P2RY14: variants seen among roughly 807,000 people sequenced by gnomAD.
P2RY14 encodes the protein purinergic receptor P2Y14, also known as P2Y purinoceptor 14.
P2RY14 carries 2 observed loss-of-function variants against 0.9 expected under a neutral mutation model. That is an observed-to-expected ratio of 2.16 (90% CI 0.88 to 6.79). The LOEUF (loss-of-function observed/expected upper bound fraction) is 6.79, where lower values mean the gene tolerates loss of function less well. P2RY14 is among the 30% of genes most tolerant of loss of function. The pLI, the probability that P2RY14 is intolerant of heterozygous loss-of-function variation, is 0.05. For synonymous variants in P2RY14, 158 were observed against 147.2 expected, an observed-to-expected ratio of 1.07 and a Z score of -0.53; for missense variants, 378 against 400.1, an observed-to-expected ratio of 0.94 and a Z score of 0.47.
intron 1 of P2RY14, among the ~76,000 whole-genome samples, chr3:151,259,736 A>T (rs769855102): frequency 4.6e-5 from 7 of 152,238 alleles, no homozygotes; most frequent in Non-Finnish European, 1.0e-4. Flanking sequence ...TTAATCTTTC[A>T]GAGAATTCTT....
Position 151,213,934 on chromosome 3 carries a change from C to G in P2RY14, c.383G>C (p.Trp128Ser), listed in dbSNP as rs772154887. The G allele has an allele frequency of 6.2e-7, 1 of 1,614,058 alleles. No homozygotes were observed. The highest frequency in any genetic ancestry group is 1.1e-5 in the South Asian group (1 of 91,070). Reference protein sequence around the residue: ...DRYYKIVKPLWTSFIQSVSYS... With the variant: ...DRYYKIVKPLSTSFIQSVSYS... ...ACTCACTGACTGGATGAAAGAAGTC[C>G]AAAGAGGCTTTACAATTTTATAATA... is the stretch of plus-strand genomic sequence containing the variant. Residue 128 changes from tryptophan (W) to serine (S), a missense_variant, in exon 3 of 3, where the codon TGG becomes TCG. Coordinates refer to ENST00000309170, the MANE Select transcript of P2RY14 (RefSeq NM_014879.4).
chr3:151,270,688 G>A (rs1252980866), intron 1 of P2RY14, among the ~76,000 whole-genome samples: 1 of 152,086 alleles, frequency 6.6e-6, no homozygotes, highest in African/African-American at 2.4e-5. Flanking sequence ...GAGATGTTTG[G>A]GTGGGTTAAG....
At chr3:151,230,832 G>A (rs967174341) in intron 1 of P2RY14, among the ~76,000 whole-genome samples, 1 of 152,098 alleles carries the variant, frequency 6.6e-6, no homozygotes, top group African/African-American at 2.4e-5. Context: ...CAGAAGTAGT[G>A]ACTTCCCACT....
intron 1 of P2RY14, among the ~76,000 whole-genome samples, chr3:151,227,455 C>T (rs2870518): frequency 0.75 from 114,269 of 152,168 alleles, 43,387 homozygotes; most frequent in African/African-American, 0.85. Context: ...AAACTGATAA[C>T]GTCCAAACAT....
At chr3:151,267,883 A>G (rs1190469802) in intron 1 of P2RY14, among the ~76,000 whole-genome samples, 2 of 152,218 alleles carry the variant, frequency 1.3e-5, no homozygotes, top group Non-Finnish European at 2.9e-5. Context: ...GTTTGAGAAT[A>G]GCTTTTTAAA....
At chr3:151,255,871 A>G (rs1737722337) in intron 1 of P2RY14, among the ~76,000 whole-genome samples, 1 of 152,126 alleles carries the variant, frequency 6.6e-6, no homozygotes, top group Non-Finnish European at 1.5e-5. Context: ...ATCTCTCTCA[A>G]TCTGTTTCCC....
chr3:151,218,060 T>C (rs191582953), intron 2 of P2RY14, among the ~76,000 whole-genome samples: 169 of 152,348 alleles, frequency 1.1e-3, no homozygotes, highest in African/African-American at 3.8e-3. Context: ...TCCTTATCTT[T>C]AGTACAGATT....
chr3:151,233,053 A>G (rs897117197), intron 1 of P2RY14, among the ~76,000 whole-genome samples: 20 of 152,180 alleles, frequency 1.3e-4, no homozygotes, highest in African/African-American at 4.6e-4. Flanking sequence ...AAAAACACCA[A>G]CATTGTCCCT....
rs1246872678 is a variant in P2RY14, at chr3:151,214,116, G to T, written c.201C>A (p.Asp67Glu). The T allele has an allele frequency of 6.2e-7, 1 of 1,614,028 alleles. No individual in the cohort carries two copies. The highest frequency in any genetic ancestry group is 1.7e-5 in the Admixed American group (1 of 60,018). ...AAGGAAAAGTCAGGCTCATCACAAAGTCAGCAATAACAATGTTCTTGAGAT... is the reference window on the plus strand; with the variant it reads ...AAGGAAAAGTCAGGCTCATCACAAATTCAGCAATAACAATGTTCTTGAGAT... ...IIYLKNIVIA[D>E]FVMSLTFPFK... The change falls in exon 3 of 3, where the codon GAC (aspartate) becomes GAA (glutamate). Residue 67 changes from aspartate (D) to glutamate (E), a missense_variant. By Grantham distance (45) the Asp-to-Glu change is conservative. Transcript: ENST00000309170.
intron 1 of P2RY14, among the ~76,000 whole-genome samples, chr3:151,252,414 C>T (rs2149456124): frequency 6.6e-6 from 1 of 152,234 alleles, no homozygotes; most frequent in African/African-American, 2.4e-5. Flanking sequence ...GGCATAAATA[C>T]TGATTTTTAA....
intron 1 of P2RY14, among the ~76,000 whole-genome samples, chr3:151,272,640 A>G (rs897381952): frequency 1.3e-5 from 2 of 152,234 alleles, no homozygotes; most frequent in African/African-American, 4.8e-5. Context: ...AATATTGAGT[A>G]CACAACCAAA....
At chr3:151,236,278 T>C (rs535453117) in intron 1 of P2RY14, among the ~76,000 whole-genome samples, 1 of 152,310 alleles carries the variant, frequency 6.6e-6, no homozygotes, top group African/African-American at 2.4e-5. Context: ...ACTTCTAGAG[T>C]TTTAAAATGT....
chr3:151,274,419 G>A (rs937950766), intron 1 of P2RY14, among the ~76,000 whole-genome samples: 3 of 152,128 alleles, frequency 2.0e-5, no homozygotes, highest in African/African-American at 7.2e-5. Flanking sequence ...TATAAAGGTA[G>A]TGCTTATAGG....
At chr3:151,241,239 T>A (rs1734016664) in intron 1 of P2RY14, among the ~76,000 whole-genome samples, 1 of 152,244 alleles carries the variant, frequency 6.6e-6, no homozygotes, top group African/African-American at 2.4e-5. Context: ...ATTGTTGATA[T>A]TTTACAATTT....
chr3:151,270,034 G>T, intron 1 of P2RY14: 1 of 233,756 alleles, frequency 4.3e-6, no homozygotes, highest in Non-Finnish European at 8.4e-6. Context: ...GAAGAAGGAT[G>T]GGAAGATATT....
chr3:151,233,624 T>C (rs970468859), intron 1 of P2RY14, among the ~76,000 whole-genome samples: 1 of 152,146 alleles, frequency 6.6e-6, no homozygotes, highest in African/African-American at 2.4e-5. Context: ...TCCCAGCTAC[T>C]CGGGAGGCTG....
intron 1 of P2RY14, among the ~76,000 whole-genome samples, chr3:151,277,236 A>G (rs1469168884): frequency 1.3e-5 from 2 of 151,758 alleles, no homozygotes; most frequent in Non-Finnish European, 2.9e-5. Context: ...ACATGACAAT[A>G]TAGAGTTCAT....
rs141026400 is a variant in P2RY14 at position 151,230,255 on chromosome 3, T to C, written c.-132-10613A>G. Reference sequence around the variant, plus strand: ...TCCTAAAGTGCTGGGATTACAGGCGTGAGCCACCGCACCCGGCCGGGATCT... The same window carrying C: ...TCCTAAAGTGCTGGGATTACAGGCGCGAGCCACCGCACCCGGCCGGGATCT... On this transcript the variant is annotated intron_variant, in intron 1 of 2. Coordinates refer to ENST00000309170, the MANE Select transcript of P2RY14 (RefSeq NM_014879.4). 4.4e-3 allele frequency among the ~76,000 whole-genome samples: 671 copies of C among 152,374 alleles called. 4 individuals carry two copies. The highest frequency in any genetic ancestry group is 0.015 in the African/African-American group (625 of 41,584).
Position 151,214,266 on chromosome 3 carries a change from G to A in P2RY14, c.51C>T (p.Asn17=). 5 of 1,614,014 alleles carry A rather than the reference G, an allele frequency of 3.1e-6. No homozygotes were observed. The highest frequency in any genetic ancestry group is 1.3e-5 in the African/African-American group (1 of 75,040). Residue 17 remains asparagine, a synonymous_variant, in exon 3 of 3, where the codon AAC becomes AAT. Coordinates refer to ENST00000309170, the MANE Select transcript of P2RY14 (RefSeq NM_014879.4). ...TQPPDESCSQ[N]LLITQQIIPV... ...GAATGATCTGCTGAGTGATCAGGAG[G>A]TTCTGAGAGCAGGATTCATCTGGAG...
Sources: gnomAD v4.1 joint callset for allele counts (sites outside exome capture counted in the v4.1 genomes callset) on GRCh38, gnomAD v4.1.1 for gene constraint, MANE v1.5 for transcripts, NCBI Gene and HGNC (gene_info 2026-07-23, HGNC 2026-07-21) for gene names.